Variants in PRCP observed in about 807,000 individuals in gnomAD.
The protein encoded by PRCP is lysosomal Pro-X carboxypeptidase.
In PRCP, 46 loss-of-function variants were observed where a neutral mutation model predicts 54.2. The observed-to-expected ratio is 0.85, with a 90% CI of 0.67 to 1.09. PRCP has a LOEUF of 1.09. Ranked by LOEUF, PRCP falls within the 50% of genes least tolerant of loss-of-function variation. The pLI is 0.00. For synonymous variants in PRCP, 240 were observed against 212.2 expected (o/e 1.13, Z -1.14); for missense variants, 613 against 596.8 (o/e 1.03, Z -0.28).
chr11:82,881,167 T>C (rs1430625830), intron 1 of PRCP, among the ~76,000 whole-genome samples: 4 of 152,352 alleles, frequency 2.6e-5, no homozygotes, highest in East Asian at 1.9e-4. Flanking sequence ...ATTCATTTAG[T>C]GGGTCATAGT....
intron 1 of PRCP, 103 bp downstream of exon 1, chr11:82,900,132 A>G (rs112631750): frequency 1.5e-5 from 22 of 1,427,704 alleles, no homozygotes; most frequent in Non-Finnish European, 9.7e-7. Flanking sequence ...GATCCTAGGC[A>G]TCAAGGGGTG....
At chr11:82,878,203 A>T (rs1859652690) in intron 1 of PRCP, among the ~76,000 whole-genome samples, 1 of 152,198 alleles carries the variant, frequency 6.6e-6, no homozygotes, top group Non-Finnish European at 1.5e-5. Flanking sequence ...GAAGTAACTA[A>T]CTTGCTTTTG....
intron 2 of PRCP, among the ~76,000 whole-genome samples, chr11:82,856,549 G>A (rs1859085675): frequency 6.6e-6 from 1 of 152,088 alleles, no homozygotes; most frequent in African/African-American, 2.4e-5. Flanking sequence ...GTGTGGGTGT[G>A]GGGCATGAGT....
intron 8 of PRCP, chr11:82,825,581 C>A: frequency 4.4e-5 from 6 of 135,588 alleles, no homozygotes; most frequent in Non-Finnish European, 9.3e-5. Context: ...CAAGCCTGGG[C>A]AACATGGTGA....
chr11:82,874,055 G>A (rs1175134792), intron 1 of PRCP, among the ~76,000 whole-genome samples: 1 of 152,166 alleles, frequency 6.6e-6, no homozygotes, highest in Non-Finnish European at 1.5e-5. Context: ...CGGTCTAAAT[G>A]ATAATGGCGC....
At position 82,890,480 on chromosome 11, in the gene PRCP, C is replaced by G. The variant is rs748945991; in HGVS notation, c.168+9755G>C. ...CCATTTCCTCTTGCCTAAGATATCC[C>G]ACTACCAATTCTATTTCTTTCTTGT... On this transcript the variant is annotated intron_variant, in intron 1 of 8. Coordinates refer to ENST00000313010, the MANE Select transcript of PRCP (RefSeq NM_005040.4). Among the ~76,000 whole-genome samples, 3 of 152,258 alleles carry G rather than the reference C, an allele frequency of 2.0e-5. No homozygotes were observed. In the South Asian group the frequency reaches 6.2e-4, roughly 32 times the overall value.
chr11:82,848,882 C>G (rs546224067), intron 6 of PRCP, among the ~76,000 whole-genome samples, 167 bp downstream of exon 6: 1 of 152,024 alleles, frequency 6.6e-6, no homozygotes, highest in South Asian at 2.1e-4. Flanking sequence ...GTAACATGTC[C>G]AAGCCCACAT....
In PRCP at chr11:82,859,887, T is replaced by C. The variant is rs1056357201; in HGVS notation, c.309+90A>G. On this transcript the variant is annotated intron_variant, in intron 2 of 8. Coordinates refer to ENST00000313010, the MANE Select transcript of PRCP (RefSeq NM_005040.4). ...AGAACTTTACAATTAAGAACAGCAA[T>C]GTTTGGTCATACATATTGCAAAACA... 31 of 1,267,712 alleles carry C rather than the reference T, an allele frequency of 2.4e-5. No individual in the cohort carries two copies. In the African/African-American group the frequency reaches 4.8e-4, roughly 20 times the overall value. 78.5% of individuals were successfully genotyped at this position (1,267,712 alleles called of 1,614,324 possible). A position where few individuals can be genotyped will look rare whatever the true frequency, so the allele number is the denominator to read the frequency against.
chr11:82,850,303 G>A, intron 4 of PRCP, 21 bp downstream of exon 4: 3 of 1,456,248 alleles, frequency 2.1e-6, no homozygotes, highest in Non-Finnish European at 2.7e-6. Context: ...AAACGTTCAT[G>A]TCCAGTACAA....
Position 82,876,488 on chromosome 11 carries a change from C to T in PRCP, c.169-16371G>A, listed in dbSNP as rs192088033. On this transcript the variant is annotated intron_variant, in intron 1 of 8. Coordinates refer to ENST00000313010, the MANE Select transcript of PRCP (RefSeq NM_005040.4). The stretch of plus-strand genomic sequence containing the variant: ...AGTTTTGCTGTGTCCCCACCCAAAT[C>T]TCAACTTGAATTGTATCTCCCAGAA... Among the ~76,000 whole-genome samples, 142 of 152,304 alleles carry T rather than the reference C, an allele frequency of 9.3e-4. 1 individual carries two copies. The highest frequency in any genetic ancestry group is 3.3e-3 in the African/African-American group (138 of 41,556).
rs1418013267 is a variant in PRCP, at chr11:82,839,202, T to C, written c.1086+59A>G. On this transcript the variant is annotated intron_variant, in intron 7 of 8. Coordinates refer to ENST00000313010, the MANE Select transcript of PRCP (RefSeq NM_005040.4). The stretch of plus-strand genomic sequence containing the variant: ...AATCTTGTGTACCCTGATTTTTTTT[T>C]ACAGCACAACTGTGTCAGTGAAAAG... 2.6e-6 allele frequency: 4 copies of C among 1,539,764 alleles called. No individual in the cohort carries two copies. In the Admixed American group the frequency reaches 8.2e-5, roughly 32 times the overall value.
At chr11:82,879,539 T>C (rs1170860764) in intron 1 of PRCP, among the ~76,000 whole-genome samples, 1 of 152,240 alleles carries the variant, frequency 6.6e-6, no homozygotes, top group Non-Finnish European at 1.5e-5. Flanking sequence ...TCTCAACTCA[T>C]CAAAATCATT....
chr11:82,893,055 T>C (rs769417697), intron 1 of PRCP, among the ~76,000 whole-genome samples: 5 of 152,224 alleles, frequency 3.3e-5, no homozygotes, highest in Non-Finnish European at 7.3e-5. Flanking sequence ...ATACTTTTTG[T>C]CTCCCTACCC....
At chr11:82,895,908 G>A (rs1860109803) in intron 1 of PRCP, among the ~76,000 whole-genome samples, 1 of 152,158 alleles carries the variant, frequency 6.6e-6, no homozygotes, top group Admixed American at 6.5e-5. Context: ...CCACTGATGT[G>A]ATCCCCTCAC....
chr11:82,874,021 T>C (rs1263995279), intron 1 of PRCP, among the ~76,000 whole-genome samples: 1 of 152,216 alleles, frequency 6.6e-6, no homozygotes, highest in Non-Finnish European at 1.5e-5. Context: ...CTCTACAGAC[T>C]ATTCATTGTT....
intron 1 of PRCP, among the ~76,000 whole-genome samples, chr11:82,884,010 G>A (rs1859811161): frequency 1.3e-5 from 2 of 152,186 alleles, no homozygotes; most frequent in East Asian, 1.9e-4. Flanking sequence ...TCCCTCAAAG[G>A]AAGAGGCCAT....
intron 8 of PRCP, chr11:82,829,544 TTCCC>T (rs1858326642): frequency 6.6e-6 from 1 of 152,238 alleles, no homozygotes; most frequent in African/African-American, 2.4e-5. Flanking sequence ...TTCAACTGTT[TTCCC>T]TCCCTATGAC....
intron 3 of PRCP, among the ~76,000 whole-genome samples, chr11:82,852,617 A>C (rs1858983648): frequency 6.6e-6 from 1 of 152,160 alleles, no homozygotes; most frequent in Non-Finnish European, 1.5e-5. Context: ...GTAGTACATG[A>C]ATGACTCAGT....
chr11:82,900,169 C>T, intron 1 of PRCP, 66 bp downstream of exon 1: 2 of 1,569,168 alleles, frequency 1.3e-6, no homozygotes, highest in Admixed American at 1.8e-5. Flanking sequence ...CTCCGTTGCC[C>T]GGGCTCTGAG....
Sources: allele counts gnomAD v4.1 joint callset (sites outside exome capture counted in the v4.1 genomes callset), GRCh38; gene constraint gnomAD v4.1.1; transcripts MANE v1.5; gene names NCBI Gene and HGNC (gene_info 2026-07-23, HGNC 2026-07-21).